LMBR1: variants seen among roughly 807,000 people sequenced by gnomAD.
LMBR1 encodes the protein limb development membrane protein 1.
A neutral mutation model predicts 73.9 loss-of-function variants in LMBR1; 52 were observed. That is an observed-to-expected ratio of 0.70 (90% confidence interval 0.56 to 0.89). LMBR1 has a LOEUF of 0.89. LMBR1 is among the 40% of genes least tolerant of loss of function. The pLI is 0.00. For missense variants in LMBR1, 539 were observed against 579.8 expected (o/e 0.93, Z 0.72); for synonymous variants, 215 against 209.4 (o/e 1.03, Z -0.23).
At chr7:156,848,910 G>A (rs73167908) in intron 1 of LMBR1, among the ~76,000 whole-genome samples, 14,974 of 130,448 alleles carry the variant, frequency 0.11, 879 homozygotes, top group African/African-American at 0.14. Flanking sequence ...CAGCCTGGGC[G>A]ACAAAGCAAG....
intron 1 of LMBR1, among the ~76,000 whole-genome samples, chr7:156,887,543 G>C (rs1802133522): frequency 6.8e-6 from 1 of 146,326 alleles, no homozygotes; most frequent in Non-Finnish European, 1.5e-5. Flanking sequence ...CTAAACCTAA[G>C]AGCTAAAACT....
intron 4 of LMBR1, among the ~76,000 whole-genome samples, chr7:156,818,742 A>G (rs963196202): frequency 2.6e-5 from 4 of 152,196 alleles, no homozygotes; most frequent in African/African-American, 9.7e-5. Flanking sequence ...TTGTTTTTCA[A>G]CTTATGGAAA....
At chr7:156,780,033 G>C (rs1826845030) in intron 5 of LMBR1, among the ~76,000 whole-genome samples, 1 of 152,176 alleles carries the variant, frequency 6.6e-6, no homozygotes, top group Non-Finnish European at 1.5e-5. Context: ...CATCTCTAGA[G>C]AGTGTCAAAC....
intron 4 of LMBR1, chr7:156,823,712 A>T (rs1007365001): frequency 2.0e-5 from 3 of 152,228 alleles, no homozygotes; most frequent in Admixed American, 6.5e-5. Context: ...CACCACTAAA[A>T]ATGGTTTTGA....
At chr7:156,794,613 G>C (rs1432504618) in intron 5 of LMBR1, among the ~76,000 whole-genome samples, 1 of 152,104 alleles carries the variant, frequency 6.6e-6, no homozygotes, top group Non-Finnish European at 1.5e-5. Flanking sequence ...TATTCAACTA[G>C]ATTGTTATAA....
At chr7:156,776,886 A>G (rs576642640) in intron 5 of LMBR1, among the ~76,000 whole-genome samples, 2 of 151,848 alleles carry the variant, frequency 1.3e-5, no homozygotes, top group South Asian at 2.1e-4. Context: ...CTACTTGGCA[A>G]TCTTTATACT....
In LMBR1 at chr7:156,744,621, T is replaced by C. The variant is rs139313108; in HGVS notation, c.758-10364A>G. Among the ~76,000 whole-genome samples the C allele has an allele frequency of 1.6e-3, 238 of 152,322 alleles. 1 individual carries two copies. The highest frequency in any genetic ancestry group is 5.4e-3 in the African/African-American group (224 of 41,570). On this transcript the variant is annotated intron_variant, in intron 9 of 16. Transcript: ENST00000353442. ...TAATACTTTCCTTCTTTTTGTACTTTTGGTGTGTGACACAAAATAGTTCTT... is the reference window on the plus strand; with the variant it reads ...TAATACTTTCCTTCTTTTTGTACTTCTGGTGTGTGACACAAAATAGTTCTT...
intron 1 of LMBR1, among the ~76,000 whole-genome samples, chr7:156,860,836 C>T (rs144806872): frequency 5.4e-4 from 82 of 152,378 alleles, no homozygotes; most frequent in African/African-American, 1.8e-3. Flanking sequence ...TCCTTTGACA[C>T]CATGTCTCAC....
intron 10 of LMBR1, among the ~76,000 whole-genome samples, chr7:156,731,876 G>A (rs1309227779): frequency 1.3e-5 from 2 of 150,406 alleles, no homozygotes; most frequent in African/African-American, 2.5e-5. Flanking sequence ...ATCTACAAAA[G>A]TTGCACAGGC....
At chr7:156,884,405 A>G (rs1801564345) in intron 1 of LMBR1, among the ~76,000 whole-genome samples, 1 of 152,148 alleles carries the variant, frequency 6.6e-6, no homozygotes, top group Non-Finnish European at 1.5e-5. Flanking sequence ...AAAAAAAAAC[A>G]TGAACATTGT....
chr7:156,880,141 A>G (rs960892640), intron 1 of LMBR1, among the ~76,000 whole-genome samples: 1 of 152,240 alleles, frequency 6.6e-6, no homozygotes, highest in Admixed American at 6.5e-5. Flanking sequence ...ACTGTGGTAT[A>G]TGTAACTATG....
rs1252999047 is a variant in LMBR1 at position 156,680,955 on chromosome 7, TAAC to T, written c.*3120_*3122del. ...AAAAGTATCTCATAGAAACAAAGACTAACAATTTGTAAACAAAACAATCTGTAA... is the reference window on the plus strand; with the variant it reads ...AAAAGTATCTCATAGAAACAAAGACTAATTTGTAAACAAAACAATCTGTAA... On this transcript the variant is annotated 3_prime_UTR_variant, in exon 17 of 17. Coordinates refer to ENST00000353442, the MANE Select transcript of LMBR1 (RefSeq NM_022458.4). The T allele has an allele frequency of 3.5e-6, 1 of 284,858 alleles. No individual in the cohort carries two copies. The highest frequency in any genetic ancestry group is 6.7e-6 in the Non-Finnish European group (1 of 149,658). 17.6% of individuals were successfully genotyped at this position (284,858 alleles called of 1,614,324 possible). A position where few individuals can be genotyped will look rare whatever the true frequency, so the allele number is the denominator to read the frequency against.
chr7:156,841,393 A>G (rs1838678102), intron 1 of LMBR1, among the ~76,000 whole-genome samples: 1 of 152,168 alleles, frequency 6.6e-6, no homozygotes, highest in African/African-American at 2.4e-5. Flanking sequence ...TCTGCAGATG[A>G]TATTTAAAGT....
At chr7:156,858,674 C>A (rs2134164442) in intron 1 of LMBR1, among the ~76,000 whole-genome samples, 1 of 152,124 alleles carries the variant, frequency 6.6e-6, no homozygotes, top group East Asian at 1.9e-4. Context: ...AAAATATCAG[C>A]AAACTGAATC....
At chr7:156,770,700 G>C (rs924727878) in intron 5 of LMBR1, among the ~76,000 whole-genome samples, 18 of 152,104 alleles carry the variant, frequency 1.2e-4, no homozygotes, top group African/African-American at 4.3e-4. Context: ...GATCATTTGA[G>C]CCCAGAAGTT....
intron 15 of LMBR1, among the ~76,000 whole-genome samples, chr7:156,711,080 G>T (rs1450531724): frequency 6.6e-6 from 1 of 152,198 alleles, no homozygotes; most frequent in African/African-American, 2.4e-5. Flanking sequence ...GGAGGCCAAG[G>T]TGGGCAGATC....
At chr7:156,673,496 A>G (rs1272733446), downstream of LMBR1, among the ~76,000 whole-genome samples, 2 of 152,228 alleles carry the variant, frequency 1.3e-5, no homozygotes, top group African/African-American at 2.4e-5. Flanking sequence ...CTAAATTAAG[A>G]TACAGCTGCT....
intron 2 of LMBR1, among the ~76,000 whole-genome samples, chr7:156,836,332 AAG>A (rs1332033374): frequency 6.6e-6 from 1 of 152,220 alleles, no homozygotes; most frequent in Non-Finnish European, 1.5e-5. Context: ...AAAAAGAGTA[AAG>A]ATATGGTAGT....
chr7:156,816,590 A>G (rs1329844060), intron 4 of LMBR1, among the ~76,000 whole-genome samples: 1 of 152,216 alleles, frequency 6.6e-6, no homozygotes, highest in Non-Finnish European at 1.5e-5. Flanking sequence ...TAAATGCAAA[A>G]TAATAAGTTT....
Sources: gnomAD v4.1 joint callset for allele counts (sites outside exome capture counted in the v4.1 genomes callset) on GRCh38, gnomAD v4.1.1 for gene constraint, MANE v1.5 for transcripts, NCBI Gene and HGNC (gene_info 2026-07-23, HGNC 2026-07-21) for gene names.